The following CDH12 variants were observed in gnomAD, a reference collection of about 807,000 sequenced individuals.
CDH12 encodes the protein cadherin-12.
CDH12 carries 41 observed loss-of-function variants against 74.1 expected under a neutral mutation model. That is an observed-to-expected ratio of 0.55 (90% CI 0.43 to 0.72). The LOEUF (loss-of-function observed/expected upper bound fraction) is 0.72, where lower values mean the gene tolerates loss of function less well. CDH12 is among the 30% of genes least tolerant of loss of function. CDH12 has a pLI of 0.00. For missense variants in CDH12, 945 were observed against 977.2 expected, an observed-to-expected ratio of 0.97 and a Z score of 0.44; for synonymous variants, 399 against 355.0, an observed-to-expected ratio of 1.12 and a Z score of -1.39.
chr5:21,752,711 A>G (rs1236731418), intron 14 of CDH12, among the ~76,000 whole-genome samples: 1 of 152,098 alleles, frequency 6.6e-6, no homozygotes. Flanking sequence ...TTTTAAAGGC[A>G]ATAAATAAGA....
At chr5:22,586,155 C>A (rs1405973605) in intron 1 of CDH12, among the ~76,000 whole-genome samples, 1 of 152,108 alleles carries the variant, frequency 6.6e-6, no homozygotes, top group African/African-American at 2.4e-5. Context: ...GAATACTATG[C>A]AGCCATAAAA....
At chr5:22,665,835 T>C (rs1017786908) in intron 1 of CDH12, among the ~76,000 whole-genome samples, 4 of 152,188 alleles carry the variant, frequency 2.6e-5, no homozygotes, top group African/African-American at 9.7e-5. Context: ...AGAAAGCCCT[T>C]TCCCAGTCTT....
chr5:22,053,957 C>T (rs1740566477), intron 5 of CDH12, among the ~76,000 whole-genome samples: 1 of 152,032 alleles, frequency 6.6e-6, no homozygotes, highest in Admixed American at 6.6e-5. Flanking sequence ...TTGATTATTT[C>T]CTGGTAGCTG....
intron 3 of CDH12, among the ~76,000 whole-genome samples, chr5:22,339,272 T>G (rs1430659945): frequency 6.6e-6 from 1 of 152,326 alleles, no homozygotes; most frequent in East Asian, 1.9e-4. Context: ...ATCATGCCCC[T>G]GAGCTGGATT....
intron 1 of CDH12, among the ~76,000 whole-genome samples, chr5:22,509,813 G>A (rs139870393): frequency 6.6e-6 from 1 of 152,248 alleles, no homozygotes; most frequent in Non-Finnish European, 1.5e-5. Flanking sequence ...ACCTTGAGAA[G>A]CAGAGGGCAA....
intron 5 of CDH12, among the ~76,000 whole-genome samples, chr5:21,989,320 C>T (rs1757651334): frequency 6.6e-6 from 1 of 152,126 alleles, no homozygotes; most frequent in Non-Finnish European, 1.5e-5. Context: ...TCCCACAAAG[C>T]AGTTTATCTA....
intron 10 of CDH12, among the ~76,000 whole-genome samples, chr5:21,800,414 A>G (rs1486414794): frequency 6.6e-6 from 1 of 152,146 alleles, no homozygotes; most frequent in African/African-American, 2.4e-5. Flanking sequence ...TCAATGTGAT[A>G]GTATTAAAAG....
chr5:22,335,577 T>G (rs1169066115), intron 3 of CDH12, among the ~76,000 whole-genome samples: 1 of 149,998 alleles, frequency 6.7e-6, no homozygotes, highest in East Asian at 2.0e-4. Context: ...AGAGTAAGAC[T>G]CCATCTCAAA....
chr5:21,907,521 T>C (rs950146208), intron 6 of CDH12, among the ~76,000 whole-genome samples: 39 of 152,148 alleles, frequency 2.6e-4, no homozygotes, highest in Admixed American at 2.2e-3. Context: ...GGAAACAGTT[T>C]TAGAAAAGCA....
chr5:21,769,020 C>A (rs1312750155), intron 11 of CDH12, among the ~76,000 whole-genome samples: 1 of 151,990 alleles, frequency 6.6e-6, no homozygotes, highest in East Asian at 1.9e-4. Context: ...CAAAATGTTA[C>A]AAGGCTATCT....
At chr5:22,744,631 C>T (rs1745203420) in intron 1 of CDH12, among the ~76,000 whole-genome samples, 1 of 151,846 alleles carries the variant, frequency 6.6e-6, no homozygotes, top group Non-Finnish European at 1.5e-5. Flanking sequence ...ATGTGTCTCC[C>T]AACAATTTTA....
At chr5:22,721,713 T>C (rs1743900057) in intron 1 of CDH12, among the ~76,000 whole-genome samples, 1 of 152,114 alleles carries the variant, frequency 6.6e-6, no homozygotes. Context: ...GTAATCCCCA[T>C]GTGTTGAGGG....
intron 5 of CDH12, among the ~76,000 whole-genome samples, chr5:21,995,619 C>A (rs187876890): frequency 3.3e-5 from 5 of 151,742 alleles, no homozygotes; most frequent in Non-Finnish European, 7.4e-5. Context: ...CCCCACTCCC[C>A]TTTCCCAATT....
At chr5:22,649,586 C>T (rs1261077132) in intron 1 of CDH12, among the ~76,000 whole-genome samples, 1 of 151,922 alleles carries the variant, frequency 6.6e-6, no homozygotes, top group Non-Finnish European at 1.5e-5. Flanking sequence ...AATGCTATAC[C>T]GCATTAGGTA....
At chr5:22,263,745 T>C (rs930185151) in intron 3 of CDH12, among the ~76,000 whole-genome samples, 1 of 152,098 alleles carries the variant, frequency 6.6e-6, no homozygotes, top group Non-Finnish European at 1.5e-5. Context: ...CCATGTGTTT[T>C]AAATATGTTT....
At chr5:22,343,301 CACACACACACAG>C (rs1739958430) in intron 3 of CDH12, among the ~76,000 whole-genome samples, 1 of 133,434 alleles carries the variant, frequency 7.5e-6, no homozygotes, top group Non-Finnish European at 1.6e-5. Flanking sequence ...CACACACACA[CACACACACACAG>C]ACACACACAC....
chr5:21,914,487 G>A (rs932066021), intron 6 of CDH12, among the ~76,000 whole-genome samples: 1 of 152,098 alleles, frequency 6.6e-6, no homozygotes, highest in East Asian at 1.9e-4. Context: ...TACATACAGT[G>A]TATATATACA....
At chr5:22,782,017 A>G (rs1267773654) in intron 1 of CDH12, among the ~76,000 whole-genome samples, 3 of 152,176 alleles carry the variant, frequency 2.0e-5, no homozygotes, top group Admixed American at 6.5e-5. Context: ...GAATGGGAAC[A>G]TTCCCCATTA....
intron 1 of CDH12, among the ~76,000 whole-genome samples, chr5:22,784,039 C>T (rs1747510230): frequency 6.6e-6 from 1 of 151,740 alleles, no homozygotes; most frequent in African/African-American, 2.4e-5. Context: ...TGAGGGCAGT[C>T]CTGATTATTT....
Sources: allele counts gnomAD v4.1 joint callset (sites outside exome capture counted in the v4.1 genomes callset), GRCh38; gene constraint gnomAD v4.1.1; transcripts MANE v1.5; gene names NCBI Gene and HGNC (gene_info 2026-07-23, HGNC 2026-07-21).